Variants in CNTNAP5 observed in about 807,000 individuals in gnomAD.
CNTNAP5 encodes the protein contactin-associated protein-like 5.
CNTNAP5 carries 72 observed loss-of-function variants against 150.2 expected under a neutral mutation model. The observed-to-expected ratio is 0.48, with a 90% CI of 0.40 to 0.58. The LOEUF is 0.58. Among genes scored for constraint, CNTNAP5 ranks in the 20% least tolerant of loss-of-function variants. CNTNAP5 has a pLI of 0.00. For missense variants in CNTNAP5, 1,636 were observed against 1,626.2 expected (o/e 1.01, Z -0.10); for synonymous variants, 672 against 619.8 (o/e 1.08, Z -1.25).
chr2:124,824,074 T>A (rs1230529151), intron 19 of CNTNAP5, among the ~76,000 whole-genome samples: 1 of 151,840 alleles, frequency 6.6e-6, no homozygotes, highest in Non-Finnish European at 1.5e-5. Context: ...CATACCACCA[T>A]GCCAGGCTAA....
chr2:124,105,019 G>A (rs1380313949), intron 1 of CNTNAP5, among the ~76,000 whole-genome samples: 1 of 131,994 alleles, frequency 7.6e-6, no homozygotes, highest in Non-Finnish European at 1.8e-5. Context: ...GCTGCTGTAT[G>A]TCCTTCAGAG....
intron 1 of CNTNAP5, among the ~76,000 whole-genome samples, chr2:124,091,294 G>T (rs1473293126): frequency 6.6e-6 from 1 of 152,124 alleles, no homozygotes; most frequent in East Asian, 1.9e-4. Context: ...GGTTGTCCAG[G>T]CCTGAATTTA....
rs201964166 is a variant in CNTNAP5 at position 124,493,589 on chromosome 2, C to T, written c.1063-10703C>T. Among the ~76,000 whole-genome samples the T allele has an allele frequency of 1.1e-4, 16 of 152,218 alleles. No homozygotes were observed. The East Asian group carries it at 3.1e-3, about 30-fold the overall frequency. ...TCTCCTGACCTCGTGATCCGCCTGC[C>T]TCTGCCTCCCAAGTTCTGGGATTCC... On this transcript the variant is annotated intron_variant, in intron 7 of 23. Transcript: ENST00000682447.
At chr2:124,464,393 T>A (rs1693327938) in intron 6 of CNTNAP5, among the ~76,000 whole-genome samples, 1 of 152,156 alleles carries the variant, frequency 6.6e-6, no homozygotes, top group South Asian at 2.1e-4. Context: ...CACTGGAAAC[T>A]TGTGAAATAA....
chr2:124,272,160 T>G (rs1687775417), intron 3 of CNTNAP5, among the ~76,000 whole-genome samples: 1 of 152,178 alleles, frequency 6.6e-6, no homozygotes, highest in South Asian at 2.1e-4. Context: ...CCTCCACATT[T>G]GAGACTTTGC....
chr2:124,564,247 G>C (rs928783275), intron 11 of CNTNAP5, among the ~76,000 whole-genome samples: 3 of 152,214 alleles, frequency 2.0e-5, no homozygotes, highest in Admixed American at 6.5e-5. Flanking sequence ...GTGAGGAGGA[G>C]TGATAAGAGG....
intron 13 of CNTNAP5, among the ~76,000 whole-genome samples, chr2:124,659,859 T>C (rs1434384003): frequency 6.6e-6 from 1 of 152,044 alleles, no homozygotes; most frequent in Admixed American, 6.6e-5. Context: ...GGACACAACA[T>C]GGGTAGAAGT....
At chr2:124,714,673 A>T (rs974111577) in intron 13 of CNTNAP5, among the ~76,000 whole-genome samples, 1 of 151,738 alleles carries the variant, frequency 6.6e-6, no homozygotes, top group Non-Finnish European at 1.5e-5. Context: ...TTATAATAAT[A>T]CATAACACGT....
At chr2:124,374,747 T>G (rs1157130408) in intron 3 of CNTNAP5, among the ~76,000 whole-genome samples, 1 of 151,954 alleles carries the variant, frequency 6.6e-6, no homozygotes. Flanking sequence ...AACAGCATTC[T>G]CCAATGCACA....
intron 7 of CNTNAP5, 129 bp downstream of exon 7, chr2:124,475,011 A>G (rs1171645357): frequency 5.9e-6 from 4 of 677,056 alleles, no homozygotes; most frequent in Non-Finnish European, 7.1e-6. Context: ...TCAGCGTCTG[A>G]CGTGACACTG....
chr2:124,521,799 A>G (rs1261794186), intron 8 of CNTNAP5, among the ~76,000 whole-genome samples: 2 of 152,156 alleles, frequency 1.3e-5, no homozygotes, highest in Non-Finnish European at 2.9e-5. Context: ...AGGACTTACA[A>G]TTGACTGTGC....
At chr2:124,182,967 T>C (rs1558790742) in intron 1 of CNTNAP5, among the ~76,000 whole-genome samples, 1 of 152,216 alleles carries the variant, frequency 6.6e-6, no homozygotes, top group Non-Finnish European at 1.5e-5. Flanking sequence ...AGCATTTTTC[T>C]TCTTCATTCT....
Position 124,651,190 on chromosome 2 carries a change from T to C in CNTNAP5, c.2077+3232T>C, listed in dbSNP as rs1678314232. ...AATTTTTAAAAGCGTGCAGGCTGAT[T>C]ACCATAGCCTACTGGCTATTGCTAA... On this transcript the variant is annotated intron_variant, in intron 13 of 23. Transcript: ENST00000682447. Among the ~76,000 whole-genome samples the C allele has an allele frequency of 1.3e-5, 2 of 152,234 alleles. 1 individual carries two copies. The highest frequency in any genetic ancestry group is 4.1e-4 in the South Asian group (2 of 4,838).
intron 3 of CNTNAP5, among the ~76,000 whole-genome samples, chr2:124,395,278 T>C (rs61128639): frequency 0.1 from 15,850 of 152,152 alleles, 1,202 homozygotes; most frequent in African/African-American, 0.22. Context: ...ACAGAAAGCA[T>C]GCCTCCCAAG....
chr2:124,871,637 C>T (rs1260008708), intron 21 of CNTNAP5, among the ~76,000 whole-genome samples: 2 of 152,100 alleles, frequency 1.3e-5, no homozygotes, highest in East Asian at 1.9e-4. Context: ...CTGGCTTCCC[C>T]GGTTGCTACC....
intron 13 of CNTNAP5, among the ~76,000 whole-genome samples, chr2:124,739,338 T>G (rs1225023536): frequency 6.6e-6 from 1 of 152,194 alleles, no homozygotes; most frequent in Non-Finnish European, 1.5e-5. Context: ...GCCATTATTT[T>G]CAAAGATGGA....
At chr2:124,490,704 G>C (rs1455321021) in intron 7 of CNTNAP5, among the ~76,000 whole-genome samples, 1 of 151,956 alleles carries the variant, frequency 6.6e-6, no homozygotes, top group Admixed American at 6.6e-5. Context: ...ACTGTGATGT[G>C]TTTTAAGGCA....
intron 3 of CNTNAP5, among the ~76,000 whole-genome samples, chr2:124,263,166 G>A (rs1164652475): frequency 6.6e-6 from 1 of 152,154 alleles, no homozygotes; most frequent in Non-Finnish European, 1.5e-5. Flanking sequence ...TATATACCCA[G>A]TAATGAGATG....
chr2:124,390,748 A>T (rs557789553), intron 3 of CNTNAP5, among the ~76,000 whole-genome samples: 3 of 152,306 alleles, frequency 2.0e-5, no homozygotes, highest in Admixed American at 6.5e-5. Context: ...TTATACAAAA[A>T]CACTGGGTGT....
Sources: gnomAD v4.1 joint callset for allele counts (sites outside exome capture counted in the v4.1 genomes callset) on GRCh38, gnomAD v4.1.1 for gene constraint, MANE v1.5 for transcripts, NCBI Gene and HGNC (gene_info 2026-07-23, HGNC 2026-07-21) for gene names.